Variants in CELSR1 observed in about 807,000 individuals in gnomAD.
CELSR1 encodes the protein cadherin EGF LAG seven-pass G-type receptor 1, also known as adhesion G protein-coupled receptor C1.
Under a neutral mutation model 249.1 loss-of-function variants are expected in CELSR1, and 110 were observed. That is an observed-to-expected ratio of 0.44 (90% CI 0.38 to 0.52). The LOEUF (loss-of-function observed/expected upper bound fraction) is 0.52. CELSR1 is among the 20% of genes least tolerant of loss of function. The pLI, the probability that CELSR1 is intolerant of heterozygous loss-of-function variation, is 0.00. For missense variants in CELSR1, 4,109 were observed against 4,296.4 expected (o/e 0.96, Z 1.22); for synonymous variants, 2,113 against 1,900.0 (o/e 1.11, Z -2.92).
In CELSR1 at chr22:46,454,456, A is replaced by G. The variant is rs1423242602; in HGVS notation, c.4183+9251T>C. Among the ~76,000 whole-genome samples the G allele has an allele frequency of 6.6e-6, 1 of 152,222 alleles. No homozygotes were observed. Among genetic ancestry groups the G allele is most frequent in the East Asian group, 1.9e-4 (1 of 5,200 alleles). On this transcript the variant is annotated intron_variant, in intron 2 of 34. Transcript: ENST00000674500. This position sits in a 1 kb window ranked among gnomAD's most constrained non-coding sequence, Gnocchi z 5.1. ...GCACAGACGCCCATGACCCGCAGCC[A>G]GCCCGGCCAGGCAGCCTTGTCTCCC...
chr22:46,514,338 A>G (rs550632748), intron 1 of CELSR1, among the ~76,000 whole-genome samples: 1 of 152,214 alleles, frequency 6.6e-6, no homozygotes, highest in Non-Finnish European at 1.5e-5. Context: ...TTTAAGCCAC[A>G]CCTCAACTGC....
chr22:46,432,828 C>T (rs111650774), intron 5 of CELSR1, among the ~76,000 whole-genome samples: 163 of 152,236 alleles, frequency 1.1e-3, no homozygotes, highest in African/African-American at 3.7e-3. Flanking sequence ...CCTCCCCCAG[C>T]GCAGGAGATC....
intron 33 of CELSR1, 109 bp from the exon 34 acceptor site, chr22:46,364,360 C>T: frequency 6.5e-7 from 1 of 1,528,524 alleles, no homozygotes; most frequent in Non-Finnish European, 8.8e-7. Context: ...CTCCTGGTTC[C>T]CCGGGTCCCA....
At chr22:46,375,225 C>T (rs768758287) in intron 24 of CELSR1, among the ~76,000 whole-genome samples, 2 of 152,158 alleles carry the variant, frequency 1.3e-5, no homozygotes, top group African/African-American at 2.4e-5. Context: ...CCACAGACAC[C>T]GTCTCCACCC....
intron 1 of CELSR1, among the ~76,000 whole-genome samples, chr22:46,524,561 T>C (rs375579923): frequency 0.41 from 51,802 of 125,334 alleles, 9,936 homozygotes; most frequent in African/African-American, 0.55. Flanking sequence ...TGTGTGTGTG[T>C]GTGTGTGTGT....
Position 46,384,612 on chromosome 22 carries a change from C to T in CELSR1, c.6814G>A (p.Glu2272Lys). ...RVPRFDTIHE[E>K]FPRELESSVS... Reference sequence around the variant, plus strand: ...GAGGACTCCAGCTCCCTGGGGAACTCTTCATGGATGGTGTCGAATCGCGGG... The same window carrying T: ...GAGGACTCCAGCTCCCTGGGGAACTTTTCATGGATGGTGTCGAATCGCGGG... Residue 2272 changes from glutamate to lysine, a missense_variant, in exon 20 of 35, where the codon GAG becomes AAG. Glu to Lys is a moderately conservative substitution (Grantham distance 56, BLOSUM62 1). This residue lies in a region of CELSR1 where 1,805 missense variants were observed against 1,831.6 expected (regional missense o/e 0.99). Coordinates refer to ENST00000674500, the MANE Select transcript of CELSR1 (RefSeq NM_001378328.1). The T allele has an allele frequency of 6.2e-7, 1 of 1,613,772 alleles. No homozygotes were observed. The highest frequency in any genetic ancestry group is 8.5e-7 in the Non-Finnish European group (1 of 1,179,896).
intron 19 of CELSR1, 93 bp downstream of exon 19, chr22:46,386,309 G>A (rs6008787): frequency 0.08 from 107,394 of 1,343,092 alleles, 6,086 homozygotes; most frequent in African/African-American, 0.29. Context: ...AGGGGGGGCC[G>A]GGAGCCCACC....
At position 46,395,623 on chromosome 22, in the gene CELSR1, C is replaced by T. The variant is rs1464087550; in HGVS notation, c.5843+982G>A. Among the ~76,000 whole-genome samples the T allele has an allele frequency of 6.6e-6, 1 of 152,222 alleles. No individual in the cohort carries two copies. The highest frequency in any genetic ancestry group is 1.9e-4 in the East Asian group (1 of 5,200). On this transcript the variant is annotated intron_variant, in intron 13 of 34. Coordinates refer to ENST00000674500, the MANE Select transcript of CELSR1 (RefSeq NM_001378328.1). The surrounding 1 kb of genome is among the most constrained non-coding windows in gnomAD (Gnocchi z 5.5). ...GTCACCAGCTCCAGGGCACAGGCTG[C>T]TTCCCACTCATGGGGTCACAGCCGG...
At position 46,536,289 on chromosome 22, in the gene CELSR1, G is replaced by A; in HGVS notation, c.882C>T (p.Gly294=). ...MEGLFDERSR[G]YFRIDSATGA... ...CCGTGGCAGAGTCGATTCGGAAGTA[G>A]CCCCGGGAGCGCTCGTCGAACAGCC... is the stretch of plus-strand genomic sequence containing the variant. Residue 294 remains glycine, a synonymous_variant, in exon 1 of 35, where the codon GGC becomes GGT. Transcript: ENST00000674500. 6.2e-6 allele frequency: 10 copies of A among 1,612,574 alleles called. No homozygotes were observed. Among genetic ancestry groups the A allele is most frequent in the Non-Finnish European group, 8.5e-6 (10 of 1,179,870 alleles).
chr22:46,394,013 G>C (rs1178077631), intron 14 of CELSR1, 129 bp downstream of exon 14: 16 of 1,236,036 alleles, frequency 1.3e-5, no homozygotes, highest in Non-Finnish European at 1.7e-5. Flanking sequence ...ATGTGAGTGG[G>C]CACAGGTGTG....
At position 46,398,956 on chromosome 22, in the gene CELSR1, G is replaced by A. The variant is rs764297063; in HGVS notation, c.5413-319C>T. 6.6e-6 allele frequency among the ~76,000 whole-genome samples: 1 copy of A among 152,234 alleles called. No homozygotes were observed. The highest frequency in any genetic ancestry group is 2.1e-4 in the South Asian group (1 of 4,832). ...TAAACCAGCCACGCTGTGACAGAGAGCTTGGCGAGTCAGGAAGACTGCAGT... is the reference window on the plus strand; with the variant it reads ...TAAACCAGCCACGCTGTGACAGAGAACTTGGCGAGTCAGGAAGACTGCAGT... On this transcript the variant is annotated intron_variant, in intron 10 of 34. Transcript: ENST00000674500. This position sits in a 1 kb window ranked among gnomAD's most constrained non-coding sequence, Gnocchi z 7.2.
At chr22:46,521,153 T>C (rs148665801) in intron 1 of CELSR1, among the ~76,000 whole-genome samples, 1 of 152,348 alleles carries the variant, frequency 6.6e-6, no homozygotes, top group East Asian at 1.9e-4. Flanking sequence ...TGCTTCCACC[T>C]TTTGGTTACT....
chr22:46,465,327 C>A (rs2080084944), intron 1 of CELSR1, among the ~76,000 whole-genome samples: 1 of 146,646 alleles, frequency 6.8e-6, no homozygotes, highest in Non-Finnish European at 1.5e-5. Flanking sequence ...CCCCATGAGG[C>A]CCCCTGCCCA....
chr22:46,457,165 T>G (rs1009615056), intron 2 of CELSR1, among the ~76,000 whole-genome samples: 3 of 152,052 alleles, frequency 2.0e-5, no homozygotes, highest in Admixed American at 6.6e-5. Context: ...GCCAACATGG[T>G]AAAACCCTGT....
rs2079558376 is a variant in CELSR1 at position 46,428,314 on chromosome 22, C to T, written c.4611+5079G>A. 1.3e-5 allele frequency among the ~76,000 whole-genome samples: 2 copies of T among 152,248 alleles called. No individual in the cohort carries two copies. The highest frequency in any genetic ancestry group is 2.4e-5 in the African/African-American group (1 of 41,456). On this transcript the variant is annotated intron_variant, in intron 5 of 34. Coordinates refer to ENST00000674500, the MANE Select transcript of CELSR1 (RefSeq NM_001378328.1). This position sits in a 1 kb window ranked among gnomAD's most constrained non-coding sequence, Gnocchi z 5.7. The stretch of plus-strand genomic sequence containing the variant: ...CCAGCTCAGGCATGGGGCTTCATTG[C>T]GTGTGGTCTAGCCACCCGTGGCCAG...
rs571219456 is a variant in CELSR1 at position 46,445,053 on chromosome 22, C to G, written c.4184-5642G>C. Among the ~76,000 whole-genome samples the G allele has an allele frequency of 2.0e-4, 30 of 151,630 alleles. No individual in the cohort carries two copies. Among genetic ancestry groups the G allele is most frequent in the Admixed American group, 2.0e-3 (30 of 15,188 alleles). The stretch of plus-strand genomic sequence containing the variant: ...CCCAATCTCTACTACAAAAATTAAC[C>G]GGCGTGGTGGCAAGCGCCTGTAATC... On this transcript the variant is annotated intron_variant, in intron 2 of 34. Coordinates refer to ENST00000674500, the MANE Select transcript of CELSR1 (RefSeq NM_001378328.1). This position sits in a 1 kb window ranked among gnomAD's most constrained non-coding sequence, Gnocchi z 4.4.
intron 2 of CELSR1, among the ~76,000 whole-genome samples, chr22:46,453,524 G>A (rs2079910438): frequency 6.6e-6 from 1 of 152,222 alleles, no homozygotes; most frequent in Non-Finnish European, 1.5e-5. Context: ...TCTGATAAGT[G>A]TAACCCCACC....
At chr22:46,370,030 C>G (rs1413971603) in intron 25 of CELSR1, 1 of 630,730 alleles carries the variant, frequency 1.6e-6, no homozygotes, top group Non-Finnish European at 2.9e-6. Context: ...CTGGATTGGC[C>G]CCATGAGGCA....
chr22:46,533,590 A>G (rs944026000), intron 1 of CELSR1, 37 bp downstream of exon 1: 3 of 1,520,542 alleles, frequency 2.0e-6, no homozygotes, highest in Non-Finnish European at 2.6e-6. Flanking sequence ...CAGGAGGCCC[A>G]TCAGGAGCTA....
Sources: gnomAD v4.1 joint callset for allele counts (sites outside exome capture counted in the v4.1 genomes callset) on GRCh38, gnomAD v4.1.1 for gene constraint, gnomAD v4.1.1 regional missense constraint, Gnocchi (gnomAD v3.1) non-coding constraint, MANE v1.5 for transcripts, NCBI Gene and HGNC (gene_info 2026-07-23, HGNC 2026-07-21) for gene names.